Variants in ARHGAP22 observed in about 807,000 individuals in gnomAD.
ARHGAP22 encodes rho GTPase-activating protein 22.
A neutral mutation model predicts 59.1 loss-of-function variants in ARHGAP22; 48 were observed. The observed-to-expected ratio is 0.81, with a 90% CI of 0.64 to 1.03. The LOEUF is 1.03. ARHGAP22 is among the 50% of genes least tolerant of loss of function. ARHGAP22 has a pLI of 0.00. For missense variants in ARHGAP22, 1,015 were observed against 958.7 expected (o/e 1.06, Z -0.78); for synonymous variants, 445 against 416.4 (o/e 1.07, Z -0.84).
chr10:48,582,860 G>A, intron 2 of ARHGAP22, 93 bp downstream of exon 2: 1 of 1,423,652 alleles, frequency 7.0e-7, no homozygotes, highest in South Asian at 1.3e-5. Context: ...GGAGTCAGTG[G>A]CTCTGTGCCT....
intron 3 of ARHGAP22, among the ~76,000 whole-genome samples, chr10:48,484,733 T>C (rs886221686): frequency 5.9e-5 from 9 of 152,270 alleles, no homozygotes; most frequent in Non-Finnish European, 1.2e-4. Flanking sequence ...ATCTAAGTTA[T>C]TGAATGAATT....
intron 3 of ARHGAP22, among the ~76,000 whole-genome samples, chr10:48,534,515 A>C (rs2055169346): frequency 6.6e-6 from 1 of 152,204 alleles, no homozygotes; most frequent in African/African-American, 2.4e-5. Context: ...ACTTCCCAGC[A>C]GCTGTGATGA....
At chr10:48,635,479 C>T (rs993824608) in intron 1 of ARHGAP22, among the ~76,000 whole-genome samples, 3 of 152,356 alleles carry the variant, frequency 2.0e-5, no homozygotes, top group Admixed American at 1.3e-4. Flanking sequence ...TCTCAGCCCT[C>T]GGCTTTCTCT....
chr10:48,606,269 G>T (rs2060668348), upstream of ARHGAP22, among the ~76,000 whole-genome samples: 1 of 152,148 alleles, frequency 6.6e-6, no homozygotes, highest in Non-Finnish European at 1.5e-5. Flanking sequence ...GAGGGAGAGA[G>T]CCCACCAGGA....
intron 9 of ARHGAP22, among the ~76,000 whole-genome samples, chr10:48,449,219 C>G (rs760394566): frequency 3.9e-5 from 6 of 152,236 alleles, no homozygotes; most frequent in Non-Finnish European, 7.3e-5. Flanking sequence ...TCTGGAGGCC[C>G]TTGGGTTCTA....
At chr10:48,563,211 T>TTTTTTA (rs55749457) in intron 2 of ARHGAP22, among the ~76,000 whole-genome samples, 1 of 87,458 alleles carries the variant, frequency 1.1e-5, no homozygotes, top group Admixed American at 1.1e-4. Context: ...TTTTTTTTTT[T>TTTTTTA]GAGACGTATT....
At chr10:48,523,719 T>G (rs559663705) in intron 3 of ARHGAP22, among the ~76,000 whole-genome samples, 2 of 151,808 alleles carry the variant, frequency 1.3e-5, no homozygotes, top group Admixed American at 1.3e-4. Flanking sequence ...GCCGTGGACT[T>G]GGCGGACCTG....
intron 3 of ARHGAP22, among the ~76,000 whole-genome samples, chr10:48,507,246 G>T (rs908085422): frequency 1.3e-5 from 2 of 152,084 alleles, no homozygotes; most frequent in African/African-American, 4.8e-5. Context: ...AGAGTCCAAG[G>T]ACACGCAAAA....
chr10:48,535,682 G>C (rs1373256993), intron 3 of ARHGAP22, among the ~76,000 whole-genome samples: 2 of 152,216 alleles, frequency 1.3e-5, no homozygotes, highest in Admixed American at 1.3e-4. Flanking sequence ...CAGAACTTTT[G>C]GCACCCAAGC....
intron 3 of ARHGAP22, among the ~76,000 whole-genome samples, chr10:48,540,945 G>A (rs571710293): frequency 1.2e-3 from 185 of 152,026 alleles, no homozygotes; most frequent in Non-Finnish European, 1.9e-3. Flanking sequence ...CCAGGGTTGG[G>A]TAGGCTTGAT....
At chr10:48,431,956 G>A in the ARHGAP22 span, among the ~76,000 whole-genome samples, 3 of 152,134 alleles carry the variant, frequency 2.0e-5, no homozygotes, top group African/African-American at 7.2e-5. Flanking sequence ...TTGCACACAT[G>A]TTATGGATGA....
At chr10:48,570,998 A>G (rs1049718689) in intron 2 of ARHGAP22, among the ~76,000 whole-genome samples, 1 of 152,170 alleles carries the variant, frequency 6.6e-6, no homozygotes, top group Admixed American at 6.5e-5. Context: ...TCTAGGGTGG[A>G]ACTTCTGAAA....
intron 3 of ARHGAP22, among the ~76,000 whole-genome samples, chr10:48,548,757 G>A (rs1441948407): frequency 6.6e-6 from 1 of 152,212 alleles, no homozygotes; most frequent in Non-Finnish European, 1.5e-5. Flanking sequence ...CAAAGGGCTG[G>A]GAGGGGCAGG....
chr10:48,463,165 G>A lies in ARHGAP22; in HGVS notation c.452-3274C>T, dbSNP rs1007019885. ...AAAGCAACAATTGCAGAGCTCAGTA[G>A]CATCTGTGCCCTTTTGATAGGACTC... On this transcript the variant is annotated intron_variant, in intron 4 of 9. Transcript: ENST00000249601. Among the ~76,000 whole-genome samples, 5 of 152,324 alleles carry A rather than the reference G, an allele frequency of 3.3e-5. No homozygotes were observed. The South Asian group carries it at 6.2e-4, about 19-fold the overall frequency.
intron 1 of ARHGAP22, among the ~76,000 whole-genome samples, chr10:48,591,819 A>G (rs1020442895): frequency 2.0e-5 from 3 of 152,134 alleles, no homozygotes; most frequent in African/African-American, 7.2e-5. Context: ...GGTTGCAGTG[A>G]GTCGAGATTG....
intron 9 of ARHGAP22, among the ~76,000 whole-genome samples, chr10:48,447,060 AC>A (rs1273568771): frequency 6.6e-6 from 1 of 152,094 alleles, no homozygotes; most frequent in Non-Finnish European, 1.5e-5. Context: ...ATCCAGCCAC[AC>A]GTGGTGACCC....
In ARHGAP22 at chr10:48,450,926, C is replaced by T. The variant is rs550301877; in HGVS notation, c.1203G>A (p.Val401=). The change falls in exon 9 of 10, where the codon GTG becomes GTA. Residue 401 remains valine (V), a synonymous_variant. Coordinates refer to ENST00000249601, the MANE Select transcript of ARHGAP22 (RefSeq NM_021226.4). ...TGGGGGCTGTTCTGGAGAGCACCGCCACGGCCGCCCCGTCCAGGGAAGAGG... is the reference window on the plus strand; with the variant it reads ...TGGGGGCTGTTCTGGAGAGCACCGCTACGGCCGCCCCGTCCAGGGAAGAGG... ...HRTSSLDGAA[V]AVLSRTAPTG... 1 of 1,592,626 alleles carries T rather than the reference C, an allele frequency of 6.3e-7. No individual in the cohort carries two copies. The highest frequency in any genetic ancestry group is 1.1e-5 in the South Asian group (1 of 87,802).
At chr10:48,506,040 G>C (rs1044930682) in intron 3 of ARHGAP22, among the ~76,000 whole-genome samples, 1 of 152,092 alleles carries the variant, frequency 6.6e-6, no homozygotes, top group South Asian at 2.1e-4. Context: ...TCTCACCGAC[G>C]CTCCTTCCCT....
rs190009080 is a variant in ARHGAP22, at chr10:48,561,949, C to T, written c.235-6399G>A. 1.4e-3 allele frequency among the ~76,000 whole-genome samples: 215 copies of T among 152,088 alleles called. 2 individuals carry two copies. The highest frequency in any genetic ancestry group is 7.1e-4 in the Non-Finnish European group (48 of 67,940). On this transcript the variant is annotated intron_variant, in intron 2 of 9. Transcript: ENST00000249601. ...TCTTAAAAGAGTTAAACATACTGCC[C>T]GGAGCAGTGGCTCACGCCTGTAATC...
Sources: allele counts gnomAD v4.1 joint callset (sites outside exome capture counted in the v4.1 genomes callset), GRCh38; gene constraint gnomAD v4.1.1; transcripts MANE v1.5; gene names NCBI Gene and HGNC (gene_info 2026-07-23, HGNC 2026-07-21).